Variants in PAPPA2 observed in about 807,000 individuals in gnomAD.
PAPPA2 encodes the protein pappalysin-2.
PAPPA2 carries 86 observed loss-of-function variants against 176.4 expected under a neutral mutation model. That is an observed-to-expected ratio of 0.49 (90% CI 0.41 to 0.58). The LOEUF (loss-of-function observed/expected upper bound fraction) is 0.58. Ranked by LOEUF, PAPPA2 falls within the 20% of genes least tolerant of loss-of-function variation. PAPPA2 has a pLI of 0.00. For missense variants in PAPPA2, 2,073 were observed against 2,256.9 expected (o/e 0.92, Z 1.65); for synonymous variants, 809 against 852.2 (o/e 0.95, Z 0.88).
intron 12 of PAPPA2, among the ~76,000 whole-genome samples, chr1:176,714,186 T>C (rs1442767528): frequency 6.6e-6 from 1 of 151,776 alleles, no homozygotes; most frequent in Non-Finnish European, 1.5e-5. Context: ...ACAGACTGAG[T>C]AGATCCCCCA....
rs186028048 is a variant in PAPPA2 at position 176,819,836 on chromosome 1, C to A, written c.5202+19704C>A. ...AGAGCCTCTGCACTTTCAGTGCAGTCCAGCTTAAAGCCTGGAACTAGTTTT... is the reference window on the plus strand; with the variant it reads ...AGAGCCTCTGCACTTTCAGTGCAGTACAGCTTAAAGCCTGGAACTAGTTTT... On this transcript the variant is annotated intron_variant, in intron 21 of 22. Transcript: ENST00000367662. Among the ~76,000 whole-genome samples the A allele has an allele frequency of 2.6e-5, 4 of 152,328 alleles. No homozygotes were observed. The East Asian group carries it at 7.7e-4, about 29-fold the overall frequency.
At chr1:176,816,241 G>GTATATATATATA (rs3039819) in intron 21 of PAPPA2, among the ~76,000 whole-genome samples, 2 of 113,524 alleles carry the variant, frequency 1.8e-5, no homozygotes, top group African/African-American at 7.8e-5. Context: ...GTGTGTGTGT[G>GTATATATATATA]TATATATATA....
At chr1:176,467,204 A>G (rs1396576730) in intron 1 of PAPPA2, among the ~76,000 whole-genome samples, 1 of 152,164 alleles carries the variant, frequency 6.6e-6, no homozygotes, top group African/African-American at 2.4e-5. Flanking sequence ...GTATCTAAAC[A>G]CCTCCAAACA....
chr1:176,566,038 G>T (rs893565362), intron 2 of PAPPA2, among the ~76,000 whole-genome samples: 6 of 152,216 alleles, frequency 3.9e-5, no homozygotes, highest in Non-Finnish European at 8.8e-5. Context: ...GTGCTTAGAA[G>T]TCACAATGCA....
rs781265554 is a variant in PAPPA2 at position 176,525,195 on chromosome 1, G to A, written c.-916-30212G>A. ...GACCCTAGTACGGTTGCTGGCAAAC[G>A]GCACAATCATAACTTGCTGATGGAT... On this transcript the variant is annotated intron_variant, in intron 1 of 22. Transcript: ENST00000367662. Among the ~76,000 whole-genome samples the A allele has an allele frequency of 2.7e-4, 41 of 152,096 alleles. 3 individuals carry two copies. Among genetic ancestry groups the A allele is most frequent in the Non-Finnish European group, 7.4e-5 (5 of 68,010 alleles).
chr1:176,598,723 T>TA (rs1021521224), intron 3 of PAPPA2, among the ~76,000 whole-genome samples: 19 of 152,228 alleles, frequency 1.2e-4, no homozygotes, highest in African/African-American at 4.6e-4. Context: ...TCTTCACCCT[T>TA]AAAAAAATGT....
At chr1:176,639,719 C>CTT (rs548902178) in intron 3 of PAPPA2, among the ~76,000 whole-genome samples, 15 of 144,394 alleles carry the variant, frequency 1.0e-4, no homozygotes, top group South Asian at 2.2e-4. Flanking sequence ...CTTTTTCTTT[C>CTT]TTTTTTTTTT....
rs368943411 is a variant in PAPPA2 at position 176,765,705 on chromosome 1, G to A, written c.4191G>A (p.Pro1397=). The A allele has an allele frequency of 9.9e-6, 16 of 1,613,928 alleles. No individual in the cohort carries two copies. Among genetic ancestry groups the A allele is most frequent in the Middle Eastern group, 1.6e-4 (1 of 6,084 alleles). The change falls in exon 15 of 23, where the codon CCG becomes CCA. Residue 1397 remains proline (P), a synonymous_variant. Transcript: ENST00000367662. ...CCTGTGGGAAGCAGGACAGCTGTCC[G>A]TCATTGCTGCTTGATCATGCTGATG... ...HRPCGKQDSC[P]SLLLDHADVV...
chr1:176,646,260 T>A (rs562252683), intron 3 of PAPPA2, among the ~76,000 whole-genome samples: 167 of 151,376 alleles, frequency 1.1e-3, no homozygotes, highest in African/African-American at 3.9e-3. Context: ...ATTTAAAAAA[T>A]TTTTATTTTT....
At chr1:176,760,022 G>T (rs1663627229) in intron 14 of PAPPA2, among the ~76,000 whole-genome samples, 1 of 152,076 alleles carries the variant, frequency 6.6e-6, no homozygotes, top group African/African-American at 2.4e-5. Context: ...CGGTGATAGG[G>T]GAAATGGTAT....
chr1:176,589,792 C>T (rs1370738337), intron 2 of PAPPA2, among the ~76,000 whole-genome samples: 1 of 152,176 alleles, frequency 6.6e-6, no homozygotes, highest in African/African-American at 2.4e-5. Context: ...TGCACAAACT[C>T]AAGAGTTTCA....
chr1:176,566,669 T>G (rs1476203530), intron 2 of PAPPA2, among the ~76,000 whole-genome samples: 1 of 152,166 alleles, frequency 6.6e-6, no homozygotes, highest in Non-Finnish European at 1.5e-5. Flanking sequence ...AGGAATCACT[T>G]TTGGCAGCCC....
In PAPPA2 at chr1:176,557,225, C is replaced by T; in HGVS notation, c.903C>T (p.Asn301=). 1 of 1,596,970 alleles carries T rather than the reference C, an allele frequency of 6.3e-7. No individual in the cohort carries two copies. The highest frequency in any genetic ancestry group is 1.3e-5 in the African/African-American group (1 of 74,582). The change falls in exon 2 of 23, where the codon AAC becomes AAT. Residue 301 remains asparagine, a synonymous_variant. Coordinates refer to ENST00000367662, the MANE Select transcript of PAPPA2 (RefSeq NM_020318.3). The part of the protein sequence containing the change: ...AWVKPEGGQN[N]PAIIAGVFDN... Reference sequence around the variant, plus strand: ...TTAAACCGGAGGGAGGACAGAACAACCCAGCCATCATCGCAGGTAACACCC... The same window carrying T: ...TTAAACCGGAGGGAGGACAGAACAATCCAGCCATCATCGCAGGTAACACCC...
At chr1:176,679,625 G>A (rs1185801343) in intron 4 of PAPPA2, among the ~76,000 whole-genome samples, 1 of 152,066 alleles carries the variant, frequency 6.6e-6, no homozygotes, top group Non-Finnish European at 1.5e-5. Flanking sequence ...TTGACCCAAG[G>A]GCAGCTGGTC....
chr1:176,646,854 T>G (rs1042280720), intron 3 of PAPPA2, among the ~76,000 whole-genome samples: 4 of 151,628 alleles, frequency 2.6e-5, no homozygotes, highest in African/African-American at 9.7e-5. Flanking sequence ...CTATTGTGAA[T>G]AGTGCTGTGA....
At chr1:176,787,042 G>T (rs1305899418) in intron 17 of PAPPA2, among the ~76,000 whole-genome samples, 1 of 151,968 alleles carries the variant, frequency 6.6e-6, no homozygotes, top group Non-Finnish European at 1.5e-5. Flanking sequence ...ATTCACTCAT[G>T]TAACAAACTT....
chr1:176,819,452 G>A (rs958951960), intron 21 of PAPPA2, among the ~76,000 whole-genome samples: 1 of 151,422 alleles, frequency 6.6e-6, no homozygotes, highest in East Asian at 1.9e-4. Context: ...AAGAAGAGTT[G>A]GTTCCACTTC....
At chr1:176,697,293 T>G (rs942923684) in intron 7 of PAPPA2, among the ~76,000 whole-genome samples, 1 of 152,176 alleles carries the variant, frequency 6.6e-6, no homozygotes, top group Admixed American at 6.5e-5. Context: ...TGATGTTAGG[T>G]TGATTTCCAA....
In PAPPA2 at chr1:176,835,864, TCCCTGAGGGGCCCTACAGGCC is replaced by T. The variant is rs1667252148; in HGVS notation, c.5203-4305_5203-4285del. Among the ~76,000 whole-genome samples, 2 of 152,090 alleles carry T rather than the reference TCCCTGAGGGGCCCTACAGGCC, an allele frequency of 1.3e-5. 1 individual carries two copies. The highest frequency in any genetic ancestry group is 4.2e-4 in the South Asian group (2 of 4,818). ...CAACTAGTGGTCTCATTATCAGAGG[TCCCTGAGGGGCCCTACAGGCC>T]CCCCCAGGTTCTGCCCCCAAGATTC... On this transcript the variant is annotated intron_variant, in intron 21 of 22. Transcript: ENST00000367662.
Sources: allele counts gnomAD v4.1 joint callset (sites outside exome capture counted in the v4.1 genomes callset), GRCh38; gene constraint gnomAD v4.1.1; transcripts MANE v1.5; gene names NCBI Gene and HGNC (gene_info 2026-07-23, HGNC 2026-07-21).